SLC7A11: variants seen among roughly 807,000 people sequenced by gnomAD.
SLC7A11 encodes cystine/glutamate transporter.
A neutral mutation model predicts 54.5 loss-of-function variants in SLC7A11; 35 were observed. The ratio of observed to expected loss-of-function variants is 0.64; its 90% CI spans 0.49 to 0.85. SLC7A11 has a LOEUF of 0.85. Among genes scored for constraint, SLC7A11 ranks in the 40% least tolerant of loss-of-function variants. The probability of loss-of-function intolerance (pLI) is 0.00; values close to 1 mark genes in which losing one functional copy is unlikely to be tolerated. For missense variants in SLC7A11, 583 were observed against 618.1 expected (o/e 0.94, Z 0.60); for synonymous variants, 230 against 225.2 (o/e 1.02, Z -0.19).
intron 3 of SLC7A11, among the ~76,000 whole-genome samples, chr4:138,230,139 T>C (rs953267662): frequency 3.3e-5 from 5 of 152,192 alleles, no homozygotes; most frequent in Non-Finnish European, 7.3e-5. Flanking sequence ...GAGGCCATTA[T>C]CCTTAGCAAA....
chr4:138,196,323 G>A (rs1397045034), intron 6 of SLC7A11, among the ~76,000 whole-genome samples: 1 of 152,160 alleles, frequency 6.6e-6, no homozygotes, highest in East Asian at 1.9e-4. Flanking sequence ...AACAGGGTGT[G>A]AGTGCCATGG....
At chr4:138,219,496 T>G in intron 4 of SLC7A11, 131 bp from the exon 5 acceptor site, 1 of 619,352 alleles carries the variant, frequency 1.6e-6, no homozygotes, top group South Asian at 2.0e-5. Context: ...TTGATTACCA[T>G]CTTTATCAAT....
chr4:138,221,851 T>G (rs1737821350), intron 4 of SLC7A11, among the ~76,000 whole-genome samples: 1 of 152,204 alleles, frequency 6.6e-6, no homozygotes, highest in African/African-American at 2.4e-5. Flanking sequence ...TATAATCTTT[T>G]GGAATCTAAA....
In SLC7A11 at chr4:138,236,439, T is replaced by C. The variant is rs753854801; in HGVS notation, c.290A>G (p.Tyr97Cys). 3.1e-6 allele frequency: 5 copies of C among 1,606,114 alleles called. No homozygotes were observed. In the Admixed American group the frequency reaches 6.9e-5, roughly 22 times the overall value. Reference sequence around the variant, plus strand: ...CTTTATAGTTGTTCCCAATTCAGCATAAGACAAAGCTCCTGTGAAATATTT... The same window carrying C: ...CTTTATAGTTGTTCCCAATTCAGCACAAGACAAAGCTCCTGTGAAATATTT... ...GVLSLFGALSYAELGTTIKKS... is the reference protein window; with the variant it reads ...GVLSLFGALSCAELGTTIKKS... The change falls in exon 2 of 12, where the codon TAT (tyrosine) becomes TGT (cysteine). Residue 97 changes from tyrosine (Y) to cysteine (C), a missense_variant. Transcript: ENST00000280612.
Position 138,171,602 on chromosome 4 carries a change from C to G in SLC7A11, c.*354G>C. ...ACCATCTTTACAAAACCCATATATA[C>G]AGAAAAATCTCAGTCTTCAATTTGA... On this transcript the variant is annotated 3_prime_UTR_variant, in exon 12 of 12. Coordinates refer to ENST00000280612, the MANE Select transcript of SLC7A11 (RefSeq NM_014331.4). 4.5e-6 allele frequency: 1 copy of G among 223,740 alleles called. No individual in the cohort carries two copies. Among genetic ancestry groups the G allele is most frequent in the Non-Finnish European group, 8.6e-6 (1 of 116,176 alleles). 13.9% of individuals were successfully genotyped at this position (223,740 alleles called of 1,614,324 possible). A position where few individuals can be genotyped will look rare whatever the true frequency, so the allele number is the denominator to read the frequency against.
At chr4:138,218,864 T>C (rs541656449) in intron 5 of SLC7A11, among the ~76,000 whole-genome samples, 6 of 152,248 alleles carry the variant, frequency 3.9e-5, no homozygotes, top group Middle Eastern at 6.8e-3. Context: ...GAAAAAAAAA[T>C]CAATTAATCA....
intron 3 of SLC7A11, among the ~76,000 whole-genome samples, chr4:138,229,918 G>A (rs1003527556): frequency 1.3e-5 from 2 of 152,028 alleles, no homozygotes; most frequent in African/African-American, 4.8e-5. Flanking sequence ...TGCCACCCCT[G>A]CTCTTCTCTT....
At position 138,169,849 on chromosome 4, in the gene SLC7A11, T is replaced by C. The variant is rs2148404326; in HGVS notation, c.*2107A>G. 6.6e-6 allele frequency: 1 copy of C among 152,144 alleles called. No individual in the cohort carries two copies. The highest frequency in any genetic ancestry group is 1.9e-4 in the East Asian group (1 of 5,160). The allele number at this position is 152,144 out of a possible 1,614,324, so 9.4% of individuals were successfully genotyped here. ...TATAAATCAAATTTTGAAAACCCTATGCTAAGGAAGGAAGGAGTTATTATA... is the reference window on the plus strand; with the variant it reads ...TATAAATCAAATTTTGAAAACCCTACGCTAAGGAAGGAAGGAGTTATTATA... On this transcript the variant is annotated 3_prime_UTR_variant, in exon 12 of 12. Coordinates refer to ENST00000280612, the MANE Select transcript of SLC7A11 (RefSeq NM_014331.4).
At chr4:138,210,884 T>C (rs1737529516) in intron 6 of SLC7A11, among the ~76,000 whole-genome samples, 1 of 152,030 alleles carries the variant, frequency 6.6e-6, no homozygotes, top group Admixed American at 6.6e-5. Flanking sequence ...ACTCAGCAAT[T>C]CCATTATTGG....
chr4:138,200,540 A>G (rs1737251588), intron 6 of SLC7A11, among the ~76,000 whole-genome samples: 1 of 152,134 alleles, frequency 6.6e-6, no homozygotes, highest in South Asian at 2.1e-4. Flanking sequence ...TCCCCCAGCT[A>G]ATTTCAAGGC....
At chr4:138,175,232 T>C (rs536377619) in intron 11 of SLC7A11, among the ~76,000 whole-genome samples, 79 of 152,104 alleles carry the variant, frequency 5.2e-4, no homozygotes, top group Admixed American at 9.2e-4. Context: ...GACTCTGGAG[T>C]TGCAAACTCA....
intron 6 of SLC7A11, among the ~76,000 whole-genome samples, chr4:138,199,452 G>A (rs967107421): frequency 6.6e-6 from 1 of 151,974 alleles, no homozygotes; most frequent in African/African-American, 2.4e-5. Flanking sequence ...TGACTAAATG[G>A]ATCATCGACC....
rs2148401514 is a variant in SLC7A11 at position 138,164,099 on chromosome 4, A to AT, written c.*7856dup. 1 of 152,722 alleles carries AT rather than the reference A, an allele frequency of 6.5e-6. No individual in the cohort carries two copies. The highest frequency in any genetic ancestry group is 1.9e-4 in the East Asian group (1 of 5,188). The allele number at this position is 152,722 out of a possible 1,614,324, so 9.5% of individuals were successfully genotyped here. On this transcript the variant is annotated 3_prime_UTR_variant, in exon 12 of 12. Transcript: ENST00000280612. ...AAAGCAAAACATGACGACATTTATT[A>AT]TGTAAACTATCAAATGTTTATTTAA...
intron 6 of SLC7A11, among the ~76,000 whole-genome samples, chr4:138,211,576 C>T (rs984720709): frequency 5.9e-5 from 9 of 151,574 alleles, no homozygotes; most frequent in African/African-American, 2.2e-4. Flanking sequence ...GAAGAGATAC[C>T]TGCTTTCTCA....
At chr4:138,192,061 C>T (rs1287725850) in intron 6 of SLC7A11, among the ~76,000 whole-genome samples, 1 of 152,004 alleles carries the variant, frequency 6.6e-6, no homozygotes, top group Non-Finnish European at 1.5e-5. Flanking sequence ...AGGATTTGGT[C>T]TACACAACAC....
intron 5 of SLC7A11, among the ~76,000 whole-genome samples, chr4:138,218,036 A>C (rs1476346878): frequency 6.6e-6 from 1 of 152,182 alleles, no homozygotes; most frequent in East Asian, 1.9e-4. Flanking sequence ...ATCTTCTAAC[A>C]ATCTTCAAGC....
At position 138,182,320 on chromosome 4, in the gene SLC7A11, G is replaced by T. The variant is rs767368764; in HGVS notation, c.1093C>A (p.Pro365Thr). The T allele has an allele frequency of 1.2e-6, 2 of 1,609,590 alleles. No individual in the cohort carries two copies. Among genetic ancestry groups the T allele is most frequent in the East Asian group, 2.2e-5 (1 of 44,768 alleles). Residue 365 changes from proline to threonine, a missense_variant, in exon 9 of 12, where the codon CCT becomes ACT. Coordinates refer to ENST00000280612, the MANE Select transcript of SLC7A11 (RefSeq NM_014331.4). ...LSMIHVRKHT[P>T]LPAVIVLHPL... The stretch of plus-strand genomic sequence containing the variant: ...ACCAAAACAATAACAGCTGGTAGAG[G>T]AGTGTGCTTGCGGACATGAATCATG...
In SLC7A11 at chr4:138,242,072, T is replaced by C. The variant is rs759822049; in HGVS notation, c.-3A>G. 36 of 1,613,486 alleles carry C rather than the reference T, an allele frequency of 2.2e-5. No homozygotes were observed. The highest frequency in any genetic ancestry group is 8.0e-5 in the African/African-American group (6 of 74,888). On this transcript the variant is annotated 5_prime_UTR_variant, in exon 1 of 12. Coordinates refer to ENST00000280612, the MANE Select transcript of SLC7A11 (RefSeq NM_014331.4). Reference sequence around the variant, plus strand: ...GACACAACAGGCTTTCTGACCATAGTAGGGACACACGGGGGAAAAATAAAA... The same window carrying C: ...GACACAACAGGCTTTCTGACCATAGCAGGGACACACGGGGGAAAAATAAAA...
intron 6 of SLC7A11, among the ~76,000 whole-genome samples, chr4:138,211,668 T>C (rs1160070814): frequency 6.6e-6 from 1 of 151,728 alleles, no homozygotes; most frequent in East Asian, 1.9e-4. Flanking sequence ...ATACAGAAAA[T>C]ATATATAAAC....
Sources: allele counts gnomAD v4.1 joint callset (sites outside exome capture counted in the v4.1 genomes callset), GRCh38; gene constraint gnomAD v4.1.1; transcripts MANE v1.5; gene names NCBI Gene and HGNC (gene_info 2026-07-23, HGNC 2026-07-21).